The following OSBPL10 variants were observed in gnomAD, a reference collection of about 807,000 sequenced individuals.
OSBPL10 encodes the protein oxysterol binding protein like 10.
A neutral mutation model predicts 81.7 loss-of-function variants in OSBPL10; 49 were observed. The ratio of observed to expected loss-of-function variants is 0.60; its 90% CI spans 0.48 to 0.76. The LOEUF is 0.76. Ranked by LOEUF, OSBPL10 falls within the 30% of genes least tolerant of loss-of-function variation. The pLI is 0.00. For synonymous variants in OSBPL10, 419 were observed against 383.6 expected (o/e 1.09, Z -1.08); for missense variants, 923 against 987.8 (o/e 0.93, Z 0.88).
Position 31,784,201 on chromosome 3 carries a change from A to G in OSBPL10, c.730-36081T>C, listed in dbSNP as rs2125778239. 2.0e-5 allele frequency among the ~76,000 whole-genome samples: 3 copies of G among 151,912 alleles called. No individual in the cohort carries two copies. The South Asian group carries it at 6.2e-4, about 32-fold the overall frequency. ...TAAAAATACAAAAACAAAACAAAAC[A>G]AAACAAAAAAACTAGCCAGGTGTGG... On this transcript the variant is annotated intron_variant, in intron 4 of 11. Transcript: ENST00000396556.
intron 4 of OSBPL10, among the ~76,000 whole-genome samples, chr3:31,780,756 TAGGA>T (rs1559461934): frequency 6.6e-6 from 1 of 151,976 alleles, no homozygotes. Flanking sequence ...TGGATTAAAT[TAGGA>T]AGAAATAGAA....
intron 2 of OSBPL10, among the ~76,000 whole-genome samples, chr3:32,014,411 ACT>A (rs1412764015): frequency 4.6e-5 from 7 of 152,264 alleles, no homozygotes; most frequent in Admixed American, 2.0e-4. Flanking sequence ...CATGCTAAAA[ACT>A]CTCAATAAAT....
At chr3:31,967,281 C>G (rs980680467) in intron 1 of OSBPL10, among the ~76,000 whole-genome samples, 3 of 152,028 alleles carry the variant, frequency 2.0e-5, no homozygotes, top group Non-Finnish European at 2.9e-5. Flanking sequence ...AGAGTCTCAC[C>G]GTTGCAGGGA....
intron 1 of OSBPL10, among the ~76,000 whole-genome samples, chr3:31,908,023 G>T (rs542828054): frequency 6.6e-6 from 1 of 152,268 alleles, no homozygotes; most frequent in East Asian, 1.9e-4. Flanking sequence ...TCTGTAAGGT[G>T]ACTCTGAGCA....
At chr3:31,788,543 G>A (rs1379953707) in intron 4 of OSBPL10, among the ~76,000 whole-genome samples, 3 of 152,132 alleles carry the variant, frequency 2.0e-5, no homozygotes, top group Non-Finnish European at 4.4e-5. Context: ...AATCCAAAAT[G>A]CATACTATAT....
intron 5 of OSBPL10, among the ~76,000 whole-genome samples, chr3:31,735,677 CCTT>C (rs1288776002): frequency 2.0e-5 from 3 of 152,168 alleles, no homozygotes; most frequent in Non-Finnish European, 2.9e-5. Flanking sequence ...TTCCTCCAGT[CCTT>C]CTACATCGGG....
chr3:31,687,255 C>T (rs1038929716), intron 7 of OSBPL10, among the ~76,000 whole-genome samples: 3 of 152,124 alleles, frequency 2.0e-5, no homozygotes, highest in Non-Finnish European at 2.9e-5. Context: ...GTAACCTTGG[C>T]TCGTGTCTTT....
intron 6 of OSBPL10, among the ~76,000 whole-genome samples, chr3:31,726,526 G>A (rs956152054): frequency 1.3e-5 from 2 of 151,926 alleles, no homozygotes; most frequent in Non-Finnish European, 2.9e-5. Context: ...ATGTTGGCCA[G>A]GACGGTCTCG....
At chr3:31,820,283 G>A (rs1575565716) in intron 4 of OSBPL10, among the ~76,000 whole-genome samples, 1 of 152,208 alleles carries the variant, frequency 6.6e-6, no homozygotes, top group African/African-American at 2.4e-5. Flanking sequence ...AGAAGGTTAT[G>A]GACTAATGGG....
intron 11 of OSBPL10, 117 bp from the exon 12 acceptor site, chr3:31,662,233 G>GC: frequency 4.5e-6 from 7 of 1,544,726 alleles, no homozygotes; most frequent in Non-Finnish European, 6.1e-6. Flanking sequence ...TCACACGCAG[G>GC]CCAGGCTGCT....
intron 4 of OSBPL10, chr3:31,796,230 A>G (rs1699207666): frequency 5.0e-6 from 1 of 200,042 alleles, no homozygotes; most frequent in South Asian, 1.2e-4. Context: ...TTGACACAGG[A>G]GAGTTCACAC....
At position 31,789,491 on chromosome 3, in the gene OSBPL10, A is replaced by T. The variant is rs536527422; in HGVS notation, c.729+40549T>A. Among the ~76,000 whole-genome samples, 165 of 152,344 alleles carry T rather than the reference A, an allele frequency of 1.1e-3. 1 individual carries two copies. The highest frequency in any genetic ancestry group is 3.4e-3 in the Middle Eastern group (1 of 294). ...AAATTGTAAACTCTTCCTATAGGGT[A>T]CAGGGCAGAGCAAACAAGTCCCTGA... On this transcript the variant is annotated intron_variant, in intron 4 of 11. Transcript: ENST00000396556.
chr3:31,782,700 C>T (rs1289566800), intron 4 of OSBPL10, among the ~76,000 whole-genome samples: 2 of 152,166 alleles, frequency 1.3e-5, no homozygotes, highest in African/African-American at 4.8e-5. Flanking sequence ...CTCAGCATCA[C>T]TAATTATCAG....
At chr3:31,756,739 A>G (rs1697900005) in intron 4 of OSBPL10, among the ~76,000 whole-genome samples, 1 of 152,232 alleles carries the variant, frequency 6.6e-6, no homozygotes, top group African/African-American at 2.4e-5. Context: ...GGGGACATGG[A>G]AATTCAACAT....
At chr3:31,795,635 G>A in intron 4 of OSBPL10, 1 of 205,550 alleles carries the variant, frequency 4.9e-6, no homozygotes. Flanking sequence ...AGACAAAAGG[G>A]CAACCTCATT....
chr3:31,862,362 TAAC>T (rs1338795274), intron 3 of OSBPL10, among the ~76,000 whole-genome samples: 5 of 152,160 alleles, frequency 3.3e-5, no homozygotes, highest in Non-Finnish European at 7.3e-5. Flanking sequence ...GGTTTAATTC[TAAC>T]AATAATAAAT....
rs576760569 is a variant in OSBPL10, at chr3:32,066,031, G to A, written n.185+11365C>T. ...AGAGAAAGAAAGAAAGAAAGAGAGA[G>A]AGAGAGAAAGAGAAAGAGAAGGTTG... On this transcript the variant is annotated intron_variant and non_coding_transcript_variant, in intron 1 of 3. Coordinates refer to the OSBPL10 transcript ENST00000479173. Among the ~76,000 whole-genome samples the A allele has an allele frequency of 2.4e-4, 20 of 84,446 alleles. 7 individuals are homozygous for A. The highest frequency in any genetic ancestry group is 5.3e-4 in the South Asian group (1 of 1,900). The allele number at this position is 84,446 out of a possible 152,430, so 55.4% of individuals were successfully genotyped here.
At chr3:31,933,720 T>C (rs1274332350) in intron 1 of OSBPL10, among the ~76,000 whole-genome samples, 2 of 152,138 alleles carry the variant, frequency 1.3e-5, no homozygotes, top group Non-Finnish European at 2.9e-5. Flanking sequence ...TCTAAAATTC[T>C]TTTATCAGCT....
intron 10 of OSBPL10, among the ~76,000 whole-genome samples, chr3:31,664,923 A>G (rs1700154185): frequency 6.8e-6 from 1 of 147,106 alleles, no homozygotes; most frequent in Non-Finnish European, 1.5e-5. Flanking sequence ...TCAGCTCACT[A>G]CCCCTCTTCA....
Sources: gnomAD v4.1 joint callset for allele counts (sites outside exome capture counted in the v4.1 genomes callset) on GRCh38, gnomAD v4.1.1 for gene constraint, MANE v1.5 for transcripts, NCBI Gene and HGNC (gene_info 2026-07-23, HGNC 2026-07-21) for gene names.